The following CRLF3 variants were observed in gnomAD, a reference collection of about 807,000 sequenced individuals.
The protein encoded by CRLF3 is cytokine receptor like factor 3, also known as cytokine receptor-like factor 3.
CRLF3 carries 33 observed loss-of-function variants against 55.0 expected under a neutral mutation model. The ratio of observed to expected loss-of-function variants is 0.60; its 90% CI spans 0.46 to 0.80. The LOEUF is 0.80. CRLF3 is among the 30% of genes least tolerant of loss of function. CRLF3 has a pLI of 0.00. For synonymous variants in CRLF3, 238 were observed against 196.8 expected, an observed-to-expected ratio of 1.21 and a Z score of -1.75; for missense variants, 494 against 538.4, an observed-to-expected ratio of 0.92 and a Z score of 0.82.
At chr17:30,797,006 C>A (rs1971928392) in intron 3 of CRLF3, among the ~76,000 whole-genome samples, 1 of 152,228 alleles carries the variant, frequency 6.6e-6, no homozygotes, top group East Asian at 1.9e-4. Flanking sequence ...TCAAGCAATT[C>A]TCCTGTCTCA....
chr17:30,819,007 CAG>C (rs1014092248), intron 1 of CRLF3, among the ~76,000 whole-genome samples: 2 of 150,916 alleles, frequency 1.3e-5, no homozygotes, highest in African/African-American at 4.9e-5. Context: ...TTAGTAGAGA[CAG>C]AGTTTTGCCA....
At chr17:30,808,619 G>T (rs1325156288) in intron 1 of CRLF3, among the ~76,000 whole-genome samples, 3 of 145,030 alleles carry the variant, frequency 2.1e-5, no homozygotes, top group Admixed American at 1.4e-4. Flanking sequence ...TTTTTTTTGA[G>T]TCTTGCTCTG....
chr17:30,817,041 G>A (rs1338913376), intron 1 of CRLF3, among the ~76,000 whole-genome samples: 1 of 152,054 alleles, frequency 6.6e-6, no homozygotes, highest in Non-Finnish European at 1.5e-5. Flanking sequence ...TTTGCAATTA[G>A]TTTTGCTTCC....
intron 1 of CRLF3, among the ~76,000 whole-genome samples, chr17:30,819,920 T>C (rs1233676294): frequency 6.6e-6 from 1 of 152,224 alleles, no homozygotes; most frequent in Non-Finnish European, 1.5e-5. Flanking sequence ...ATCTAGGACC[T>C]AGAAGTTTCT....
chr17:30,818,419 G>T (rs920298652), intron 1 of CRLF3, among the ~76,000 whole-genome samples: 2 of 151,490 alleles, frequency 1.3e-5, no homozygotes, highest in Admixed American at 6.6e-5. Flanking sequence ...GGGGAAGTGG[G>T]AGATAAAAGG....
At chr17:30,824,475 C>A in intron 1 of CRLF3, 48 bp downstream of exon 1, 1 of 1,528,762 alleles carries the variant, frequency 6.5e-7, no homozygotes, top group Non-Finnish European at 8.8e-7. Flanking sequence ...GCCCGGCATC[C>A]GCGCCACCCC....
intron 6 of CRLF3, chr17:30,786,643 G>C (rs972275947): frequency 8.5e-5 from 13 of 152,260 alleles, no homozygotes; most frequent in African/African-American, 3.1e-4. Context: ...CTACCTGGCT[G>C]ATGACTGGTG....
At chr17:30,786,077 C>A (rs776316247) in intron 6 of CRLF3, 46 bp from the exon 7 acceptor site, 5 of 1,045,862 alleles carry the variant, frequency 4.8e-6, no homozygotes, top group Non-Finnish European at 7.4e-6. Context: ...AAAAATATAA[C>A]ATGAATGATA....
At chr17:30,805,384 C>T (rs1904364697) in intron 1 of CRLF3, among the ~76,000 whole-genome samples, 1 of 151,952 alleles carries the variant, frequency 6.6e-6, no homozygotes, top group South Asian at 2.1e-4. Context: ...GATTAAAATT[C>T]ATTTTACTGA....
intron 2 of CRLF3, among the ~76,000 whole-genome samples, chr17:30,800,162 G>A (rs912588729): frequency 6.6e-6 from 1 of 152,130 alleles, no homozygotes; most frequent in Non-Finnish European, 1.5e-5. Context: ...ATGGAATTCA[G>A]TCTCCTTCCC....
At position 30,797,302 on chromosome 17, in the gene CRLF3, C is replaced by T. The variant is rs747099210; in HGVS notation, c.425+9G>A. The T allele has an allele frequency of 7.5e-6, 12 of 1,603,736 alleles. No individual in the cohort carries two copies. The highest frequency in any genetic ancestry group is 1.0e-5 in the Non-Finnish European group (12 of 1,170,510). ...TAAAAGTAAGTCAAAAAGGCACAAA[C>T]TCTTTTACCTGTCCAACTGAATGTG... On this transcript the variant is annotated intron_variant, in intron 3 of 7. Coordinates refer to ENST00000324238, the MANE Select transcript of CRLF3 (RefSeq NM_015986.4).
intron 1 of CRLF3, among the ~76,000 whole-genome samples, chr17:30,816,488 CTTT>C (rs1183953028): frequency 1.7e-5 from 2 of 117,490 alleles, no homozygotes; most frequent in Non-Finnish European, 1.8e-5. Context: ...TTCTTTCTTT[CTTT>C]TTTTTTTTTT....
rs529578687 is a variant in CRLF3 at position 30,783,290 on chromosome 17, C to T, written c.*897G>A. ...ATGAAAGAACAAAAGGTACTACTTGCCTATTTTAGACACTTGGTCAAGCAT... is the reference window on the plus strand; with the variant it reads ...ATGAAAGAACAAAAGGTACTACTTGTCTATTTTAGACACTTGGTCAAGCAT... On this transcript the variant is annotated 3_prime_UTR_variant, in exon 8 of 8. Coordinates refer to ENST00000324238, the MANE Select transcript of CRLF3 (RefSeq NM_015986.4). The T allele has an allele frequency of 6.6e-6, 1 of 152,230 alleles. No homozygotes were observed. Among genetic ancestry groups the T allele is most frequent in the South Asian group, 2.1e-4 (1 of 4,826 alleles). 9.4% of individuals were successfully genotyped at this position (152,230 alleles called of 1,614,324 possible). A position where few individuals can be genotyped will look rare whatever the true frequency, so the allele number is the denominator to read the frequency against.
chr17:30,806,349 C>T (rs1904403293), intron 1 of CRLF3, among the ~76,000 whole-genome samples: 1 of 152,130 alleles, frequency 6.6e-6, no homozygotes, highest in South Asian at 2.1e-4. Context: ...CATGGCTTGC[C>T]TGGAGCAGTA....
intron 2 of CRLF3, among the ~76,000 whole-genome samples, chr17:30,798,498 T>C (rs964493849): frequency 6.6e-6 from 1 of 152,184 alleles, no homozygotes; most frequent in African/African-American, 2.4e-5. Flanking sequence ...GCCCTGTAGT[T>C]ACTCAAGTTT....
chr17:30,816,954 G>A (rs569808099), intron 1 of CRLF3, among the ~76,000 whole-genome samples: 30 of 152,152 alleles, frequency 2.0e-4, no homozygotes, highest in African/African-American at 7.0e-4. Flanking sequence ...TGACAAAATC[G>A]CCCAATGACA....
At chr17:30,790,530 G>A (rs1178376698) in intron 6 of CRLF3, 1 of 150,414 alleles carries the variant, frequency 6.6e-6, no homozygotes, top group South Asian at 2.1e-4. Context: ...TATGTTTACA[G>A]TGTTGTCTCT....
intron 2 of CRLF3, among the ~76,000 whole-genome samples, chr17:30,798,561 G>A (rs1003554114): frequency 6.6e-6 from 1 of 152,070 alleles, no homozygotes; most frequent in Non-Finnish European, 1.5e-5. Context: ...AGACATGGCC[G>A]GGTACTGTGG....
chr17:30,785,791 A>AG (rs1971630344), intron 7 of CRLF3, 128 bp downstream of exon 7: 6 of 584,906 alleles, frequency 1.0e-5, no homozygotes, highest in Middle Eastern at 7.8e-4. Flanking sequence ...TAAAAAAAAA[A>AG]AAAAAGAAAA....
Sources: allele counts gnomAD v4.1 joint callset (sites outside exome capture counted in the v4.1 genomes callset), GRCh38; gene constraint gnomAD v4.1.1; transcripts MANE v1.5; gene names NCBI Gene and HGNC (gene_info 2026-07-23, HGNC 2026-07-21).